OVCH1: variants seen among roughly 807,000 people sequenced by gnomAD.
The protein encoded by OVCH1 is ovochymase-1.
In OVCH1, 139 loss-of-function variants were observed where a neutral mutation model predicts 138.4. The observed-to-expected ratio is 1.00, with a 90% CI of 0.87 to 1.16. The LOEUF (loss-of-function observed/expected upper bound fraction) is 1.16. Ranked by LOEUF, OVCH1 falls within the 50% of genes most tolerant of loss-of-function variation. OVCH1 has a pLI of 0.00. For synonymous variants in OVCH1, 453 were observed against 467.8 expected (o/e 0.97, Z 0.41); for missense variants, 1,367 against 1,357.9 (o/e 1.01, Z -0.11).
chr12:29,477,941 ATAAT>A (rs1253591269), intron 9 of OVCH1, among the ~76,000 whole-genome samples: 1 of 152,228 alleles, frequency 6.6e-6, no homozygotes, highest in African/African-American at 2.4e-5. Flanking sequence ...GGTTGAAAGA[ATAAT>A]TACTGTGTAA....
intron 3 of OVCH1, among the ~76,000 whole-genome samples, chr12:29,421,474 A>T (rs542663073): frequency 1.3e-5 from 2 of 152,324 alleles, no homozygotes; most frequent in East Asian, 3.9e-4. Context: ...AGTTAACTAA[A>T]ATATTAATAT....
intron 16 of OVCH1, among the ~76,000 whole-genome samples, chr12:29,468,792 C>G (rs1942403423): frequency 6.6e-6 from 1 of 152,074 alleles, no homozygotes; most frequent in Non-Finnish European, 1.5e-5. Flanking sequence ...TATTTATATA[C>G]ATGGGTGAGT....
At chr12:29,493,204 A>G (rs534738409) in intron 4 of OVCH1, among the ~76,000 whole-genome samples, 26 of 152,220 alleles carry the variant, frequency 1.7e-4, no homozygotes, top group East Asian at 9.7e-4. Context: ...TTCCTCTTAT[A>G]TACACTTCGA....
chr12:29,491,221 A>G (rs376167135), intron 4 of OVCH1, 29 bp from the exon 5 acceptor site: 24 of 1,534,814 alleles, frequency 1.6e-5, no homozygotes, highest in Non-Finnish European at 2.1e-5. Context: ...CATGAGGTTC[A>G]TGGATAAATA....
At chr12:29,483,360 A>G (rs979894755) in intron 8 of OVCH1, among the ~76,000 whole-genome samples, 3 of 152,228 alleles carry the variant, frequency 2.0e-5, no homozygotes, top group Non-Finnish European at 4.4e-5. Context: ...TATCATCACA[A>G]GTTTGCCTGA....
chr12:29,431,960 C>G (rs1327576480), intron 27 of OVCH1, among the ~76,000 whole-genome samples: 1 of 152,228 alleles, frequency 6.6e-6, no homozygotes, highest in Non-Finnish European at 1.5e-5. Flanking sequence ...TTATTTTCCA[C>G]TCCTACTCTG....
At chr12:29,496,132 G>C (rs754385558) in intron 3 of OVCH1, 49 bp downstream of exon 3, 1 of 1,484,142 alleles carries the variant, frequency 6.7e-7, no homozygotes, top group Non-Finnish European at 9.3e-7. Context: ...TCTGCCAGTC[G>C]CATAGCCAGG....
chr12:29,447,198 C>T (rs971059259), intron 22 of OVCH1, among the ~76,000 whole-genome samples: 6 of 151,960 alleles, frequency 3.9e-5, no homozygotes, highest in African/African-American at 1.2e-4. Flanking sequence ...GGTACAGTAG[C>T]ACATGCCAGG....
chr12:29,470,977 G>A (rs558785523), intron 16 of OVCH1, among the ~76,000 whole-genome samples: 70 of 152,230 alleles, frequency 4.6e-4, no homozygotes, highest in African/African-American at 1.7e-3. Context: ...CAGTGATATT[G>A]AGCTTTTTTT....
intron 3 of OVCH1, among the ~76,000 whole-genome samples, chr12:29,417,482 AAAG>A (rs1345407819): frequency 1.3e-5 from 2 of 150,944 alleles, no homozygotes; most frequent in Admixed American, 6.6e-5. Flanking sequence ...AAAAAAAAAA[AAAG>A]GCAACACTAG....
the OVCH1 span, among the ~76,000 whole-genome samples, chr12:29,404,905 C>T: frequency 2.0e-5 from 3 of 151,660 alleles, no homozygotes; most frequent in South Asian, 4.2e-4. Flanking sequence ...GCCTGTAATT[C>T]CAGCTACTCG....
chr12:29,439,332 G>A (rs1167600384), exon 26 of OVCH1: 1 of 1,518,588 alleles, frequency 6.6e-7, no homozygotes, highest in South Asian at 1.3e-5. Context: ...ACTCACCACT[G>A]AATTTTCCCA....
intron 27 of OVCH1, among the ~76,000 whole-genome samples, chr12:29,428,109 C>T (rs868534804): frequency 5.9e-5 from 9 of 151,282 alleles, no homozygotes; most frequent in African/African-American, 1.9e-4. Context: ...GCAGACAGGG[C>T]GGTGCTAGTC....
intron 18 of OVCH1, among the ~76,000 whole-genome samples, chr12:29,464,025 A>G (rs370173882): frequency 1.8e-4 from 27 of 152,276 alleles, no homozygotes; most frequent in African/African-American, 6.5e-4. Flanking sequence ...ACCCCCAAAC[A>G]CGGGCACAAG....
intron 26 of OVCH1, among the ~76,000 whole-genome samples, chr12:29,434,717 A>G (rs1592035278): frequency 2.8e-5 from 1 of 36,014 alleles, no homozygotes; most frequent in Non-Finnish European, 7.2e-5. Context: ...CCCCAACAAC[A>G]AAAAAAAACC....
chr12:29,406,400 G>C, the OVCH1 span, among the ~76,000 whole-genome samples: 1 of 151,764 alleles, frequency 6.6e-6, no homozygotes, highest in Non-Finnish European at 1.5e-5. Flanking sequence ...ATGCTGCTGC[G>C]CTGCACCCAC....
At chr12:29,445,723 A>T (rs557009590) in intron 22 of OVCH1, among the ~76,000 whole-genome samples, 4 of 152,240 alleles carry the variant, frequency 2.6e-5, no homozygotes, top group South Asian at 2.1e-4. Flanking sequence ...CTAGAAAAGT[A>T]ACCTACTTAT....
intron 18 of OVCH1, 158 bp downstream of exon 18, chr12:29,464,349 C>G (rs889417288): frequency 1.2e-6 from 1 of 858,570 alleles, no homozygotes; most frequent in Non-Finnish European, 1.9e-6. Context: ...ATAGCTCATT[C>G]TCTATTTACT....
At chr12:29,419,012 GCCCA>G (rs1038886241) in intron 3 of OVCH1, among the ~76,000 whole-genome samples, 20 of 151,820 alleles carry the variant, frequency 1.3e-4, no homozygotes, top group African/African-American at 4.8e-4. Flanking sequence ...ACACCACTAT[GCCCA>G]GCTAATTTTT....
Sources: allele counts gnomAD v4.1 joint callset (sites outside exome capture counted in the v4.1 genomes callset), GRCh38; gene constraint gnomAD v4.1.1; transcripts MANE v1.5; gene names NCBI Gene and HGNC (gene_info 2026-07-23, HGNC 2026-07-21).